The following HIRA variants were observed in gnomAD, a reference collection of about 807,000 sequenced individuals.
The protein encoded by HIRA is histone cell cycle regulator.
Under a neutral mutation model 126.6 loss-of-function variants are expected in HIRA, and 13 were observed. The observed-to-expected ratio is 0.10, with a 90% CI of 0.07 to 0.16. The LOEUF (loss-of-function observed/expected upper bound fraction) is 0.16. Among genes scored for constraint, HIRA ranks in the 10% least tolerant of loss-of-function variants. The pLI is 1.00. For synonymous variants in HIRA, 511 were observed against 520.0 expected (o/e 0.98, Z 0.24); for missense variants, 834 against 1,314.4 (o/e 0.63, Z 5.65).
At chr22:19,383,734 G>A (rs2089098103) in intron 12 of HIRA, 29 bp from the exon 13 acceptor site, 3 of 1,581,952 alleles carry the variant, frequency 1.9e-6, no homozygotes, top group Non-Finnish European at 2.6e-6. Flanking sequence ...ATAAATGAAT[G>A]CAAAAGTTTT....
At chr22:19,342,481 G>A (rs1051811247) in intron 24 of HIRA, among the ~76,000 whole-genome samples, 5 of 152,250 alleles carry the variant, frequency 3.3e-5, no homozygotes, top group Middle Eastern at 6.8e-3. Flanking sequence ...CTGCCTCCTG[G>A]GTTCAAGTGA....
Position 19,331,408 on chromosome 22 carries a change from C to A in HIRA, c.*32G>T. The A allele has an allele frequency of 1.2e-6, 2 of 1,613,206 alleles. No homozygotes were observed. The highest frequency in any genetic ancestry group is 1.7e-6 in the Non-Finnish European group (2 of 1,179,900). On this transcript the variant is annotated 3_prime_UTR_variant, in exon 25 of 25. Transcript: ENST00000263208. The stretch of plus-strand genomic sequence containing the variant: ...CATCAGCGGCGAGAGTGTGGCCCTG[C>A]CCTTGCTGCAGCCAGGGCAGGCTGG...
rs528512643 is a variant in HIRA, at chr22:19,335,931, C to T, written c.2938-4375G>A. On this transcript the variant is annotated intron_variant, in intron 24 of 24. Transcript: ENST00000263208. The stretch of plus-strand genomic sequence containing the variant: ...AGTAGGTCTGTTTAGAAACGGTTGG[C>T]GTCTTTTACTGTACTGCACTTTCTC... 1.5e-3 allele frequency among the ~76,000 whole-genome samples: 226 copies of T among 152,268 alleles called. 3 individuals carry two copies. The highest frequency in any genetic ancestry group is 5.3e-3 in the African/African-American group (219 of 41,566).
chr22:19,338,069 C>T lies in HIRA; in HGVS notation c.2938-6513G>A, dbSNP rs559125606. Among the ~76,000 whole-genome samples, 4 of 152,138 alleles carry T rather than the reference C, an allele frequency of 2.6e-5. 1 individual carries two copies. The South Asian group carries it at 6.2e-4, about 24-fold the overall frequency. Reference sequence around the variant, plus strand: ...GGCCTCCCTAAGTGTTGGGATTACACGAATGAGCCACTGCGCCTGGCCAGA... The same window carrying T: ...GGCCTCCCTAAGTGTTGGGATTACATGAATGAGCCACTGCGCCTGGCCAGA... On this transcript the variant is annotated intron_variant, in intron 24 of 24. Coordinates refer to ENST00000263208, the MANE Select transcript of HIRA (RefSeq NM_003325.4).
In HIRA at chr22:19,338,923, G is replaced by GGACTTACACTATACCCTA. The variant is rs376398744; in HGVS notation, c.2938-7385_2938-7368dup. On this transcript the variant is annotated intron_variant, in intron 24 of 24. Coordinates refer to ENST00000263208, the MANE Select transcript of HIRA (RefSeq NM_003325.4). ...GACAGAAAAGCAACAAAGAAACAAT[G>GGACTTACACTATACCCTA]GACTTACACTATACCCTAGAACAAA... Among the ~76,000 whole-genome samples, 641 of 152,142 alleles carry GGACTTACACTATACCCTA rather than the reference G, an allele frequency of 4.2e-3. 4 individuals are homozygous for GGACTTACACTATACCCTA. In the Middle Eastern group the frequency reaches 0.044, roughly 10 times the overall value.
intron 17 of HIRA, 39 bp downstream of exon 17, chr22:19,361,198 G>A: frequency 7.0e-7 from 1 of 1,431,476 alleles, no homozygotes; most frequent in South Asian, 1.1e-5. Context: ...GAATGTCTGG[G>A]TGTGCCTGAG....
At chr22:19,409,662 G>A (rs1025376284) in intron 2 of HIRA, among the ~76,000 whole-genome samples, 1 of 152,110 alleles carries the variant, frequency 6.6e-6, no homozygotes, top group Admixed American at 6.6e-5. Context: ...TTATAATAGG[G>A]CCAAATCCAA....
intron 13 of HIRA, among the ~76,000 whole-genome samples, chr22:19,379,016 T>C (rs927927426): frequency 4.0e-5 from 6 of 150,486 alleles, no homozygotes; most frequent in Admixed American, 1.3e-4. Context: ...ATGAGTGACG[T>C]TGACATTTTT....
chr22:19,376,254 C>A (rs969000833), intron 14 of HIRA, among the ~76,000 whole-genome samples: 1 of 152,228 alleles, frequency 6.6e-6, no homozygotes, highest in African/African-American at 2.4e-5. Context: ...CCATCCTGAG[C>A]GGCCCCTCCC....
intron 15 of HIRA, among the ~76,000 whole-genome samples, chr22:19,374,634 C>T (rs2089000584): frequency 6.6e-6 from 1 of 152,156 alleles, no homozygotes; most frequent in Non-Finnish European, 1.5e-5. Context: ...CAGGGCTTTT[C>T]ATAAGCAAAG....
At chr22:19,360,393 G>A (rs2088852390) in intron 17 of HIRA, among the ~76,000 whole-genome samples, 1 of 152,212 alleles carries the variant, frequency 6.6e-6, no homozygotes, top group Admixed American at 6.5e-5. Flanking sequence ...GAGGGCCCCT[G>A]CCTCCGTTCA....
In HIRA at chr22:19,356,195, C is replaced by A. The variant is rs184762614; in HGVS notation, c.2455+35G>T. On this transcript the variant is annotated intron_variant, in intron 20 of 24. Transcript: ENST00000263208. ...CAGCATCAGACATGAACTTGGGCCC[C>A]CAAAAGAGTAGGGACAGCCTGTTGC... The A allele has an allele frequency of 3.0e-4, 488 of 1,601,312 alleles. 1 individual carries two copies. Among genetic ancestry groups the A allele is most frequent in the Non-Finnish European group, 4.1e-4 (482 of 1,168,354 alleles).
chr22:19,421,217 T>C (rs1484320511), intron 1 of HIRA, among the ~76,000 whole-genome samples: 1 of 151,548 alleles, frequency 6.6e-6, no homozygotes, highest in East Asian at 1.9e-4. Context: ...GAGAATCGCT[T>C]GAACCCTGGA....
chr22:19,335,030 C>G (rs1601794596), intron 24 of HIRA, among the ~76,000 whole-genome samples: 1 of 151,816 alleles, frequency 6.6e-6, no homozygotes, highest in Non-Finnish European at 1.5e-5. Context: ...GGTGGTTGCT[C>G]TAGGGCATAT....
At chr22:19,336,422 G>A (rs2088567928) in intron 24 of HIRA, among the ~76,000 whole-genome samples, 1 of 152,208 alleles carries the variant, frequency 6.6e-6, no homozygotes. Flanking sequence ...CCTGGCTGGA[G>A]GCCAATTAAC....
chr22:19,428,630 C>T (rs1317446827), intron 1 of HIRA, among the ~76,000 whole-genome samples: 1 of 152,158 alleles, frequency 6.6e-6, no homozygotes, highest in African/African-American at 2.4e-5. Flanking sequence ...CTACTTCCCC[C>T]TTTAGACTCT....
intron 1 of HIRA, among the ~76,000 whole-genome samples, chr22:19,417,439 T>C (rs775736796): frequency 2.0e-5 from 3 of 152,048 alleles, no homozygotes; most frequent in South Asian, 2.1e-4. Context: ...CTGGCCAACA[T>C]GGTGAAACCC....
chr22:19,408,399 C>T, intron 3 of HIRA, 84 bp downstream of exon 3: 1 of 885,080 alleles, frequency 1.1e-6, no homozygotes, highest in Admixed American at 1.7e-5. Context: ...CGCACGGGGC[C>T]TTATCTTTCT....
chr22:19,388,293 C>T (rs1033431395), intron 10 of HIRA, among the ~76,000 whole-genome samples, 191 bp downstream of exon 10: 3 of 152,194 alleles, frequency 2.0e-5, no homozygotes, highest in Non-Finnish European at 2.9e-5. Context: ...ACAGGCAGGA[C>T]ATTCTCGCAG....
Sources: gnomAD v4.1 joint callset for allele counts (sites outside exome capture counted in the v4.1 genomes callset) on GRCh38, gnomAD v4.1.1 for gene constraint, MANE v1.5 for transcripts, NCBI Gene and HGNC (gene_info 2026-07-23, HGNC 2026-07-21) for gene names.